IL24: variants seen among roughly 807,000 people sequenced by gnomAD.
IL24 encodes interleukin 24.
IL24 carries 24 observed loss-of-function variants against 27.6 expected under a neutral mutation model. That is an observed-to-expected ratio of 0.87 (90% CI 0.63 to 1.22). The LOEUF (loss-of-function observed/expected upper bound fraction) is 1.22. Ranked by LOEUF, IL24 falls within the 50% of genes most tolerant of loss-of-function variation. IL24 has a pLI of 0.00. For synonymous variants in IL24, 99 were observed against 93.1 expected, an observed-to-expected ratio of 1.06 and a Z score of -0.36; for missense variants, 240 against 237.0, an observed-to-expected ratio of 1.01 and a Z score of -0.08.
chr1:206,902,245 A>C, intron 6 of IL24, 173 bp downstream of exon 6: 1 of 985,346 alleles, frequency 1.0e-6, no homozygotes, highest in Non-Finnish European at 1.2e-6. Context: ...AGCATCGTAA[A>C]CTAAGTGGTC....
At chr1:206,901,402 C>T in intron 4 of IL24, 92 bp from the exon 5 acceptor site, 2 of 1,396,848 alleles carry the variant, frequency 1.4e-6, no homozygotes, top group Non-Finnish European at 1.9e-6. Context: ...CTCTGCTGTG[C>T]TTATCTTGCC....
At chr1:206,899,625 T>C (rs774903885) in intron 3 of IL24, 110 bp downstream of exon 3, 69 of 864,454 alleles carry the variant, frequency 8.0e-5, no homozygotes, top group Non-Finnish European at 1.1e-4. Context: ...AGCTTGCTAA[T>C]CAGTTTCCAG....
intron 6 of IL24, 191 bp downstream of exon 6, chr1:206,902,263 T>C (rs1267374398): frequency 1.0e-6 from 1 of 985,282 alleles, no homozygotes; most frequent in East Asian, 1.1e-4. Context: ...GTCTTTTTTC[T>C]TCCAGTTTTC....
At position 206,903,223 on chromosome 1, in the gene IL24, C is replaced by T; in HGVS notation, c.*164C>T. ...AAAGAAGTCATTCTTTAAGCAGCGC[C>T]AGTGACAGTCAGGGAAGGTGCCTCT... On this transcript the variant is annotated 3_prime_UTR_variant, in exon 7 of 7. Transcript: ENST00000294984. The T allele has an allele frequency of 1.6e-6, 1 of 617,828 alleles. No individual in the cohort carries two copies. Among genetic ancestry groups the T allele is most frequent in the South Asian group, 2.0e-5 (1 of 49,460 alleles). The allele number at this position is 617,828 out of a possible 1,614,324, so 38.3% of individuals were successfully genotyped here.
Position 206,899,329 on chromosome 1 carries a change from C to T in IL24, c.54C>T (p.Cys18=), listed in dbSNP as rs759229898. 9 of 1,613,788 alleles carry T rather than the reference C, an allele frequency of 5.6e-6. No homozygotes were observed. The South Asian group carries it at 8.8e-5, about 16-fold the overall frequency. ...CCCTTTCTTTCAGCAGACCCTTCTG[C>T]CCTCCTTTGCTGGCGACAGCCTCTC... is the stretch of plus-strand genomic sequence containing the variant. ...QSLWTLARPF[C]PPLLATASQM... Residue 18 remains cysteine (C), a synonymous_variant, in exon 3 of 7, where the codon TGC becomes TGT. Coordinates refer to ENST00000294984, the MANE Select transcript of IL24 (RefSeq NM_006850.3).
chr1:206,898,026 T>C (rs1678226257), intron 2 of IL24, 150 bp downstream of exon 2: 1 of 515,284 alleles, frequency 1.9e-6, no homozygotes, highest in Non-Finnish European at 3.4e-6. Context: ...GCATGTGTTT[T>C]TGATATTTTC....
At position 206,900,353 on chromosome 1, in the gene IL24, T is replaced by G. The variant is rs1326031839; in HGVS notation, c.299T>G (p.Val100Gly). ...RLLQQEVLQN[V>G]SDAESCYLVH... ...CTGCAGCAGGAGGTTCTGCAGAACGTCTCGGTAATCAGACCTCGGGGACAC... is the reference window on the plus strand; with the variant it reads ...CTGCAGCAGGAGGTTCTGCAGAACGGCTCGGTAATCAGACCTCGGGGACAC... The change falls in exon 4 of 7, where the codon GTC (valine) becomes GGC (glycine). Residue 100 changes from valine to glycine, a missense_variant. By Grantham distance (109) the Val-to-Gly change is moderately radical (BLOSUM62 -3). Transcript: ENST00000294984. The G allele has an allele frequency of 6.2e-7, 1 of 1,613,940 alleles. No individual in the cohort carries two copies. The highest frequency in any genetic ancestry group is 1.3e-5 in the African/African-American group (1 of 74,898).
At chr1:206,900,460 C>T in intron 4 of IL24, 103 bp downstream of exon 4, 1 of 999,752 alleles carries the variant, frequency 1.0e-6, no homozygotes, top group Non-Finnish European at 1.6e-6. Flanking sequence ...TCACTTCTTC[C>T]CTGGACTGAC....
At chr1:206,902,473 T>C (rs761889050) in intron 6 of IL24, 2 of 980,514 alleles carry the variant, frequency 2.0e-6, no homozygotes, top group Non-Finnish European at 2.4e-6. Flanking sequence ...AAAACAATTA[T>C]GGGAAATTAT....
intron 4 of IL24, 92 bp from the exon 5 acceptor site, chr1:206,901,402 C>A: frequency 7.2e-7 from 1 of 1,396,848 alleles, no homozygotes. Context: ...CTCTGCTGTG[C>A]TTATCTTGCC....
intron 5 of IL24, 58 bp from the exon 6 acceptor site, chr1:206,901,940 G>C: frequency 1.3e-6 from 2 of 1,535,850 alleles, no homozygotes; most frequent in Non-Finnish European, 1.8e-6. Flanking sequence ...AACTGAGAGG[G>C]AGTTTGCATC....
In IL24 at chr1:206,898,515, A is replaced by T. The variant is rs184345682; in HGVS notation, c.44+639A>T. Among the ~76,000 whole-genome samples the T allele has an allele frequency of 6.6e-5, 10 of 152,214 alleles. No homozygotes were observed. The East Asian group carries it at 1.9e-3, about 29-fold the overall frequency. On this transcript the variant is annotated intron_variant, in intron 2 of 6. Coordinates refer to ENST00000294984, the MANE Select transcript of IL24 (RefSeq NM_006850.3). ...AGGGAGGGAGAGAGGGAGGGAAAGG[A>T]CAAAGGGCAAAGAAGGCAGGGGGAA...
intron 6 of IL24, chr1:206,902,373 G>C (rs1337128330): frequency 1.0e-6 from 1 of 985,272 alleles, no homozygotes; most frequent in Non-Finnish European, 1.2e-6. Flanking sequence ...AGTCAGAAGA[G>C]AGGGAGAAAG....
Position 206,902,978 on chromosome 1 carries a change from G to A in IL24, c.540G>A (p.Leu180=), listed in dbSNP as rs1678455850. 6.2e-7 allele frequency: 1 copy of A among 1,614,008 alleles called. No individual in the cohort carries two copies. The highest frequency in any genetic ancestry group is 1.3e-5 in the African/African-American group (1 of 74,904). The change falls in exon 7 of 7, where the codon TTG becomes TTA. Residue 180 remains leucine (L), a splice_region_variant and synonymous_variant. Coordinates refer to ENST00000294984, the MANE Select transcript of IL24 (RefSeq NM_006850.3). ...CTTCAACCCTCTTTTCCCTTTAGTT[G>A]GACGTAGAAGCAGCTCTGACCAAAG... The part of the protein sequence containing the change: ...FLLFRRAFKQ[L]DVEAALTKAL...
chr1:206,899,407 C>T lies in IL24; in HGVS notation c.132C>T (p.Ser44=). 1.9e-6 allele frequency: 3 copies of T among 1,614,196 alleles called. No homozygotes were observed. In the South Asian group the frequency reaches 3.3e-5, roughly 18 times the overall value. Residue 44 remains serine, a synonymous_variant, in exon 3 of 7, where the codon AGC becomes AGT. Transcript: ENST00000294984. ...PCLGFTLLLW[S]QVSGAQGQEF... The stretch of plus-strand genomic sequence containing the variant: ...TGGGTTTTACCCTGCTTCTCTGGAG[C>T]CAGGTATCAGGGGCCCAGGGCCAAG...
chr1:206,901,411 C>T, intron 4 of IL24, 83 bp from the exon 5 acceptor site: 1 of 1,461,828 alleles, frequency 6.8e-7, no homozygotes, highest in South Asian at 1.4e-5. Flanking sequence ...GCTTATCTTG[C>T]CTTGGGTGGC....
chr1:206,900,447 C>T (rs1678335831), intron 4 of IL24, 90 bp downstream of exon 4: 3 of 1,158,574 alleles, frequency 2.6e-6, no homozygotes, highest in South Asian at 1.2e-5. Context: ...TGATGAAAGC[C>T]CTTCACTTCT....
At chr1:206,902,809 C>T (rs1195184486) in intron 6 of IL24, 167 bp from the exon 7 acceptor site, 7 of 985,272 alleles carry the variant, frequency 7.1e-6, no homozygotes, top group Non-Finnish European at 8.4e-6. Flanking sequence ...CAGATAAACA[C>T]ATGTAGATGG....
intron 4 of IL24, among the ~76,000 whole-genome samples, chr1:206,901,112 A>G (rs960721498): frequency 6.6e-6 from 1 of 152,186 alleles, no homozygotes; most frequent in South Asian, 2.1e-4. Context: ...AGCAAACTCT[A>G]TATCACCAAG....
Sources: gnomAD v4.1 joint callset for allele counts (sites outside exome capture counted in the v4.1 genomes callset) on GRCh38, gnomAD v4.1.1 for gene constraint, MANE v1.5 for transcripts, NCBI Gene and HGNC (gene_info 2026-07-23, HGNC 2026-07-21) for gene names.